The following DCLK1 variants were observed in gnomAD, a reference collection of about 807,000 sequenced individuals.
DCLK1 encodes the protein serine/threonine-protein kinase DCLK1.
DCLK1 carries 16 observed loss-of-function variants against 86.2 expected under a neutral mutation model. The observed-to-expected ratio is 0.19, with a 90% CI of 0.13 to 0.28. DCLK1 has a LOEUF of 0.28. Ranked by LOEUF, DCLK1 falls within the 10% of genes least tolerant of loss-of-function variation. The probability of loss-of-function intolerance (pLI) is 1.00; values close to 1 mark genes in which losing one functional copy is unlikely to be tolerated. For missense variants in DCLK1, 590 were observed against 940.2 expected (o/e 0.63, Z 4.87); for synonymous variants, 369 against 370.5 (o/e 1.00, Z 0.05).
intron 3 of DCLK1, among the ~76,000 whole-genome samples, chr13:36,033,179 CAGA>C (rs2153153643): frequency 6.6e-6 from 1 of 152,278 alleles, no homozygotes; most frequent in East Asian, 1.9e-4. Flanking sequence ...GTGTTCAATC[CAGA>C]AGAAGCTTTT....
intron 3 of DCLK1, among the ~76,000 whole-genome samples, chr13:36,023,452 T>C (rs1350636209): frequency 1.3e-5 from 2 of 152,136 alleles, no homozygotes; most frequent in African/African-American, 4.8e-5. Context: ...TTGGAGACCC[T>C]CTTGCTCAAG....
At chr13:35,960,329 A>G (rs1878386618) in intron 3 of DCLK1, among the ~76,000 whole-genome samples, 1 of 152,208 alleles carries the variant, frequency 6.6e-6, no homozygotes. Context: ...CTCTGCCCAA[A>G]TGTTAAAAAA....
At chr13:36,027,293 A>C (rs1309806878) in intron 3 of DCLK1, among the ~76,000 whole-genome samples, 1 of 152,204 alleles carries the variant, frequency 6.6e-6, no homozygotes, top group East Asian at 1.9e-4. Flanking sequence ...TGCATTTCAC[A>C]ATAGGGTTCA....
At position 36,045,257 on chromosome 13, in the gene DCLK1, C is replaced by CTATA. The variant is rs59721866; in HGVS notation, c.723+66608_723+66611dup. ...GCTCTATCTATTCAAAATCCATCTT[C>CTATA]TATATATATATATATATAGAAGATA... On this transcript the variant is annotated intron_variant, in intron 3 of 16. Coordinates refer to ENST00000360631, the MANE Select transcript of DCLK1 (RefSeq NM_001330071.2). Among the ~76,000 whole-genome samples, 598 of 122,372 alleles carry CTATA rather than the reference C, an allele frequency of 4.9e-3. 7 individuals carry two copies. The highest frequency in any genetic ancestry group is 0.013 in the African/African-American group (429 of 33,226). 80.3% of individuals were successfully genotyped at this position (122,372 alleles called of 152,430 possible). A position where few individuals can be genotyped will look rare whatever the true frequency, so the allele number is the denominator to read the frequency against.
intron 3 of DCLK1, among the ~76,000 whole-genome samples, chr13:36,037,473 G>A (rs887900222): frequency 6.6e-6 from 1 of 151,330 alleles, no homozygotes; most frequent in Non-Finnish European, 1.5e-5. Flanking sequence ...CTTTTTTCTC[G>A]TGGTTTTTGT....
intron 15 of DCLK1, among the ~76,000 whole-genome samples, chr13:35,803,247 G>A (rs1057136119): frequency 6.6e-6 from 1 of 152,078 alleles, no homozygotes; most frequent in East Asian, 1.9e-4. Context: ...TGCTTATCTT[G>A]TAGGCTTGTT....
chr13:36,112,323 G>C, intron 2 of DCLK1, 108 bp from the exon 3 acceptor site: 1 of 790,752 alleles, frequency 1.3e-6, no homozygotes, highest in Admixed American at 3.1e-5. Context: ...AGCTAGCCCT[G>C]ACTTTTCAAA....
intron 3 of DCLK1, among the ~76,000 whole-genome samples, chr13:35,950,174 C>T (rs1187210520): frequency 1.3e-5 from 2 of 152,184 alleles, no homozygotes; most frequent in Non-Finnish European, 1.5e-5. Context: ...TAAAACCGCT[C>T]CTTGCTAGAA....
intron 3 of DCLK1, among the ~76,000 whole-genome samples, chr13:35,979,187 C>A (rs1843568099): frequency 1.3e-5 from 2 of 152,200 alleles, no homozygotes; most frequent in African/African-American, 4.8e-5. Context: ...TGGAAGACAA[C>A]CCTTACCCAC....
chr13:36,033,576 G>A, intron 3 of DCLK1, among the ~76,000 whole-genome samples: 1 of 152,088 alleles, frequency 6.6e-6, no homozygotes, highest in African/African-American at 2.4e-5. Context: ...GACGGCTGTA[G>A]GGTTTTAGAT....
At chr13:35,905,781 A>T (rs1182618321) in intron 4 of DCLK1, among the ~76,000 whole-genome samples, 1 of 151,938 alleles carries the variant, frequency 6.6e-6, no homozygotes, top group East Asian at 1.9e-4. Flanking sequence ...CCCTGCCTCT[A>T]CTAAAAATCC....
intron 3 of DCLK1, among the ~76,000 whole-genome samples, chr13:36,068,914 C>T (rs987368136): frequency 6.6e-6 from 1 of 152,034 alleles, no homozygotes; most frequent in Non-Finnish European, 1.5e-5. Context: ...TAAGCCAAGA[C>T]CAAGGAAAAA....
At chr13:36,023,204 T>G (rs1881858895) in intron 3 of DCLK1, among the ~76,000 whole-genome samples, 1 of 152,146 alleles carries the variant, frequency 6.6e-6, no homozygotes, top group African/African-American at 2.4e-5. Flanking sequence ...GATACAGATA[T>G]GCATATATAA....
intron 6 of DCLK1, among the ~76,000 whole-genome samples, chr13:35,840,043 T>C (rs1342900947): frequency 1.3e-5 from 2 of 152,132 alleles, no homozygotes; most frequent in Non-Finnish European, 2.9e-5. Context: ...TTTATCCACT[T>C]GGTTGGCCTG....
intron 11 of DCLK1, among the ~76,000 whole-genome samples, chr13:35,811,215 G>A (rs1047516101): frequency 2.0e-5 from 3 of 152,082 alleles, no homozygotes; most frequent in African/African-American, 7.2e-5. Context: ...CATACAACGA[G>A]AGGTTACATG....
chr13:35,961,590 C>T (rs1043193048), intron 3 of DCLK1, among the ~76,000 whole-genome samples: 2 of 152,070 alleles, frequency 1.3e-5, no homozygotes, highest in African/African-American at 4.8e-5. Context: ...ATGAACTTTC[C>T]CCTTGCATCC....
intron 16 of DCLK1, among the ~76,000 whole-genome samples, chr13:35,791,119 A>G (rs1464471981): frequency 6.6e-6 from 1 of 152,204 alleles, no homozygotes; most frequent in Non-Finnish European, 1.5e-5. Flanking sequence ...TCTTAAAACA[A>G]TCTCTGAAAT....
chr13:35,940,205 A>G lies in DCLK1; in HGVS notation c.823+7153T>C, dbSNP rs180798536. Among the ~76,000 whole-genome samples the G allele has an allele frequency of 4.2e-5, 6 of 144,070 alleles. No homozygotes were observed. The East Asian group carries it at 1.3e-3, about 31-fold the overall frequency. The allele number at this position is 144,070 out of a possible 152,430, so 94.5% of individuals were successfully genotyped here. On this transcript the variant is annotated intron_variant, in intron 4 of 16. Transcript: ENST00000360631. Reference sequence around the variant, plus strand: ...CACTGCACTCCAGCCTGGGTGACACAGCAAGAGTCTGTCTCAAAAAAAAAA... The same window carrying G: ...CACTGCACTCCAGCCTGGGTGACACGGCAAGAGTCTGTCTCAAAAAAAAAA...
chr13:35,848,986 T>C lies in DCLK1; in HGVS notation c.1035+5513A>G, dbSNP rs1032832215. 36 of 985,346 alleles carry C rather than the reference T, an allele frequency of 3.7e-5. No homozygotes were observed. The African/African-American group carries it at 5.4e-4, about 15-fold the overall frequency. 61.0% of individuals were successfully genotyped at this position (985,346 alleles called of 1,614,324 possible). A position where few individuals can be genotyped will look rare whatever the true frequency, so the allele number is the denominator to read the frequency against. On this transcript the variant is annotated intron_variant, in intron 6 of 16. Transcript: ENST00000360631. ...TTGGAAACAGTTTTAAAACCTGAAG[T>C]CTGGAACAGGTATTATTATGAACTG...
Sources: allele counts gnomAD v4.1 joint callset (sites outside exome capture counted in the v4.1 genomes callset), GRCh38; gene constraint gnomAD v4.1.1; transcripts MANE v1.5; gene names NCBI Gene and HGNC (gene_info 2026-07-23, HGNC 2026-07-21).